Variants in AGBL1 observed in about 807,000 individuals in gnomAD.
AGBL1 encodes the protein cytosolic carboxypeptidase 4.
Under a neutral mutation model 118.9 loss-of-function variants are expected in AGBL1, and 130 were observed. The ratio of observed to expected loss-of-function variants is 1.09; its 90% confidence interval spans 0.95 to 1.26. AGBL1 has a LOEUF of 1.26. Ranked by LOEUF, AGBL1 falls within the 50% of genes most tolerant of loss-of-function variation. The pLI is 0.00. For synonymous variants in AGBL1, 555 were observed against 478.9 expected, an observed-to-expected ratio of 1.16 and a Z score of -2.08; for missense variants, 1,584 against 1,298.1, an observed-to-expected ratio of 1.22 and a Z score of -3.38.
At position 86,271,674 on chromosome 15, in the gene AGBL1, G is replaced by T. The variant is rs2079164670; in HGVS notation, c.2043G>T (p.Trp681Cys). The change falls in exon 15 of 23, where the codon TGG becomes TGT. Residue 681 changes from tryptophan (W) to cysteine (C), a missense_variant. Coordinates refer to ENST00000614907, the MANE Select transcript of AGBL1 (RefSeq NM_001386094.1). ...AGGCTCTTCTTGGCAAACCCACCTGGATAAGGACAGGCCATGAAATATGTT... is the reference window on the plus strand; with the variant it reads ...AGGCTCTTCTTGGCAAACCCACCTGTATAAGGACAGGCCATGAAATATGTT... Reference protein sequence around the residue: ...VKEALLGKPTWIRTGHEICYY... With the variant: ...VKEALLGKPTCIRTGHEICYY... The T allele has an allele frequency of 1.2e-6, 2 of 1,613,294 alleles. No individual in the cohort carries two copies. Among genetic ancestry groups the T allele is most frequent in the African/African-American group, 2.7e-5 (2 of 74,898 alleles).
chr15:86,689,648 C>A (rs1268450094), intron 22 of AGBL1, among the ~76,000 whole-genome samples: 1 of 151,772 alleles, frequency 6.6e-6, no homozygotes, highest in African/African-American at 2.4e-5. Flanking sequence ...GGATTTACAC[C>A]CATGGCATTA....
chr15:86,586,251 C>T (rs1054054936), intron 21 of AGBL1, among the ~76,000 whole-genome samples: 2 of 152,196 alleles, frequency 1.3e-5, no homozygotes, highest in Non-Finnish European at 2.9e-5. Flanking sequence ...GTACTAGGGA[C>T]ACCTGAAAAC....
chr15:87,001,735 G>C (rs1405870666), intron 24 of AGBL1, among the ~76,000 whole-genome samples: 2 of 152,052 alleles, frequency 1.3e-5, no homozygotes, highest in Non-Finnish European at 2.9e-5. Context: ...GGCCAGTGAT[G>C]ATAAGCATTT....
At chr15:86,215,685 A>G (rs2078176845) in intron 5 of AGBL1, among the ~76,000 whole-genome samples, 1 of 152,168 alleles carries the variant, frequency 6.6e-6, no homozygotes, top group African/African-American at 2.4e-5. Context: ...TAAAATGGCG[A>G]TTGTTATGAG....
At chr15:86,351,488 C>T (rs2080625698) in intron 17 of AGBL1, among the ~76,000 whole-genome samples, 1 of 152,072 alleles carries the variant, frequency 6.6e-6, no homozygotes, top group Admixed American at 6.5e-5. Context: ...GTTCCTCTAC[C>T]ATTGTGTGTT....
intron 20 of AGBL1, among the ~76,000 whole-genome samples, chr15:86,551,389 A>T (rs553985949): frequency 7.4e-4 from 113 of 152,262 alleles, no homozygotes; most frequent in African/African-American, 2.5e-3. Flanking sequence ...CAAAATTGGG[A>T]TTGAAAGAAG....
At chr15:86,775,966 C>G (rs1015897455) in intron 22 of AGBL1, among the ~76,000 whole-genome samples, 2 of 152,036 alleles carry the variant, frequency 1.3e-5, no homozygotes, top group Non-Finnish European at 2.9e-5. Flanking sequence ...CTATATACTT[C>G]TTTTTCTACC....
rs542702133 is a variant in AGBL1, at chr15:86,718,238, C to T, written c.3158+43802C>T. ...CTGTGTTGAGTTCATGTCTTTTGTA[C>T]AGACATGGATGAAGCTGGAAACAAT... On this transcript the variant is annotated intron_variant, in intron 22 of 22. Coordinates refer to ENST00000614907, the MANE Select transcript of AGBL1 (RefSeq NM_001386094.1). 2.6e-5 allele frequency among the ~76,000 whole-genome samples: 4 copies of T among 152,218 alleles called. No individual in the cohort carries two copies. In the South Asian group the frequency reaches 8.3e-4, roughly 32 times the overall value.
Position 86,096,042 on chromosome 15 carries a change from C to T in AGBL1, c.51+16019C>T, listed in dbSNP as rs151064571. 2.4e-3 allele frequency among the ~76,000 whole-genome samples: 361 copies of T among 151,802 alleles called. 2 individuals carry two copies. Among genetic ancestry groups the T allele is most frequent in the African/African-American group, 8.5e-3 (352 of 41,382 alleles). On this transcript the variant is annotated intron_variant, in intron 1 of 22. Transcript: ENST00000614907. ...ACTATTGTTTACTTAACATTATTCC[C>T]GTAAATTTATACATTAAAATTTTTT... is the stretch of plus-strand genomic sequence containing the variant.
At chr15:86,124,117 G>C (rs1211315026) in intron 1 of AGBL1, among the ~76,000 whole-genome samples, 1 of 152,002 alleles carries the variant, frequency 6.6e-6, no homozygotes, top group Admixed American at 6.6e-5. Context: ...ATCACTTGAG[G>C]CCAGGAGTTC....
chr15:86,185,666 A>T (rs556032275), intron 5 of AGBL1, among the ~76,000 whole-genome samples: 1 of 151,954 alleles, frequency 6.6e-6, no homozygotes, highest in African/African-American at 2.4e-5. Context: ...ACAAAAAACC[A>T]AACACTGCAT....
chr15:86,131,256 T>C (rs1229871252), intron 1 of AGBL1, among the ~76,000 whole-genome samples: 1 of 152,174 alleles, frequency 6.6e-6, no homozygotes, highest in Non-Finnish European at 1.5e-5. Context: ...TCCATTGCAT[T>C]CTATTTGGTA....
chr15:86,610,711 T>C (rs2084643652), intron 21 of AGBL1, among the ~76,000 whole-genome samples: 1 of 152,212 alleles, frequency 6.6e-6, no homozygotes, highest in Non-Finnish European at 1.5e-5. Context: ...TGTTGAGACG[T>C]TCCAAGGTAG....
At chr15:86,205,993 G>A (rs983453663) in intron 5 of AGBL1, among the ~76,000 whole-genome samples, 6 of 151,964 alleles carry the variant, frequency 3.9e-5, no homozygotes, top group African/African-American at 1.2e-4. Context: ...GCTACCCCAC[G>A]ACAGTCCTCT....
At chr15:86,601,264 C>T (rs1432569590) in intron 21 of AGBL1, among the ~76,000 whole-genome samples, 1 of 152,130 alleles carries the variant, frequency 6.6e-6, no homozygotes, top group Non-Finnish European at 1.5e-5. Context: ...TTAGCTAGCA[C>T]TCAGTTAAGG....
chr15:86,273,120 C>T (rs1018241979), intron 15 of AGBL1, among the ~76,000 whole-genome samples: 24 of 150,442 alleles, frequency 1.6e-4, no homozygotes, highest in African/African-American at 5.7e-4. Flanking sequence ...ATTGGACAAA[C>T]ATAACATTTC....
intron 17 of AGBL1, among the ~76,000 whole-genome samples, chr15:86,343,581 C>G (rs551615313): frequency 5.7e-4 from 87 of 152,252 alleles, no homozygotes; most frequent in African/African-American, 2.0e-3. Context: ...GGATTCAATC[C>G]AAATAGCATT....
intron 4 of AGBL1, among the ~76,000 whole-genome samples, chr15:86,158,285 G>A (rs2141704524): frequency 6.6e-6 from 1 of 152,320 alleles, no homozygotes; most frequent in African/African-American, 2.4e-5. Flanking sequence ...CCTGAGGGTT[G>A]GAGCAATTCA....
intron 17 of AGBL1, among the ~76,000 whole-genome samples, chr15:86,385,496 T>C (rs2081171213): frequency 6.6e-6 from 1 of 152,190 alleles, no homozygotes; most frequent in Non-Finnish European, 1.5e-5. Context: ...CACTTTGAAG[T>C]TTGAGAAACA....
Sources: allele counts gnomAD v4.1 joint callset (sites outside exome capture counted in the v4.1 genomes callset), GRCh38; gene constraint gnomAD v4.1.1; transcripts MANE v1.5; gene names NCBI Gene and HGNC (gene_info 2026-07-23, HGNC 2026-07-21).